KIAA1217: variants seen among roughly 807,000 people sequenced by gnomAD.
KIAA1217 encodes sickle tail protein homolog.
KIAA1217 carries 88 observed loss-of-function variants against 163.9 expected under a neutral mutation model. The ratio of observed to expected loss-of-function variants is 0.54; its 90% confidence interval spans 0.45 to 0.64. KIAA1217 has a LOEUF of 0.64. Among genes scored for constraint, KIAA1217 ranks in the 30% least tolerant of loss-of-function variants. KIAA1217 has a pLI of 0.00. For synonymous variants in KIAA1217, 903 were observed against 923.1 expected, an observed-to-expected ratio of 0.98 and a Z score of 0.39; for missense variants, 2,372 against 2,475.0, an observed-to-expected ratio of 0.96 and a Z score of 0.88.
chr10:24,083,924 A>G (rs549233496), intron 2 of KIAA1217, among the ~76,000 whole-genome samples: 13 of 152,246 alleles, frequency 8.5e-5, no homozygotes, highest in Admixed American at 5.2e-4. Flanking sequence ...GTCGCATTTC[A>G]GGCATCCTTG....
chr10:23,971,740 A>G (rs1217924273), intron 1 of KIAA1217, among the ~76,000 whole-genome samples: 5 of 152,260 alleles, frequency 3.3e-5, no homozygotes, highest in African/African-American at 1.2e-4. Context: ...CATTATGTAG[A>G]GAATCCCCTT....
At chr10:23,908,959 A>G (rs1842304922) in intron 1 of KIAA1217, among the ~76,000 whole-genome samples, 1 of 152,140 alleles carries the variant, frequency 6.6e-6, no homozygotes, top group Non-Finnish European at 1.5e-5. Flanking sequence ...AACAACCCAA[A>G]TGCCCATCAA....
chr10:23,799,769 C>T (rs1836382968), intron 1 of KIAA1217, among the ~76,000 whole-genome samples: 1 of 152,078 alleles, frequency 6.6e-6, no homozygotes, highest in African/African-American at 2.4e-5. Flanking sequence ...TTAAGAGAAA[C>T]CTAGCAGCTG....
chr10:23,922,939 G>A (rs565708812), intron 1 of KIAA1217, among the ~76,000 whole-genome samples: 2 of 152,260 alleles, frequency 1.3e-5, no homozygotes, highest in East Asian at 3.9e-4. Flanking sequence ...GGTAAACCAA[G>A]AAAGACTTTT....
At chr10:24,313,146 G>A (rs1445952976) in intron 2 of KIAA1217, among the ~76,000 whole-genome samples, 1 of 152,128 alleles carries the variant, frequency 6.6e-6, no homozygotes, top group Non-Finnish European at 1.5e-5. Flanking sequence ...TCCTCACCGC[G>A]ATCTCTTCCA....
chr10:23,821,381 C>G (rs1043094125), intron 1 of KIAA1217, among the ~76,000 whole-genome samples: 1 of 152,078 alleles, frequency 6.6e-6, no homozygotes, highest in African/African-American at 2.4e-5. Context: ...TCAGGTGGCA[C>G]AGGCTGCAGC....
chr10:24,305,175 A>T (rs2041868171), intron 2 of KIAA1217, among the ~76,000 whole-genome samples: 1 of 152,206 alleles, frequency 6.6e-6, no homozygotes, highest in Non-Finnish European at 1.5e-5. Context: ...GATGGAGAGG[A>T]GAGCACAAAA....
chr10:24,275,259 G>T (rs2077156993), intron 2 of KIAA1217, among the ~76,000 whole-genome samples: 1 of 152,176 alleles, frequency 6.6e-6, no homozygotes, highest in Non-Finnish European at 1.5e-5. Context: ...TGGGATTTCA[G>T]GCATGAGCCA....
At chr10:23,987,349 C>G (rs1846017851) in intron 1 of KIAA1217, among the ~76,000 whole-genome samples, 1 of 142,854 alleles carries the variant, frequency 7.0e-6, no homozygotes, top group Admixed American at 7.3e-5. Context: ...CGCACTCCAG[C>G]CTGGGCGACA....
intron 2 of KIAA1217, among the ~76,000 whole-genome samples, chr10:24,124,450 G>A (rs1200624927): frequency 6.6e-6 from 1 of 151,504 alleles, no homozygotes; most frequent in Non-Finnish European, 1.5e-5. Flanking sequence ...TTCTCTTATT[G>A]ATATCATGAT....
chr10:24,289,026 C>T (rs1189014306), intron 2 of KIAA1217, among the ~76,000 whole-genome samples: 1 of 152,176 alleles, frequency 6.6e-6, no homozygotes, highest in Non-Finnish European at 1.5e-5. Context: ...TGGGCATGCC[C>T]ATACATGTTT....
rs1204297640 is a variant in KIAA1217, at chr10:23,875,395, GGCT to G, written c.-320-131828_-320-131826del. ...GCAGAATATAACCCTTGACAAGCTT[GGCT>G]GGTTGTGTTCCAGGATATCCAAGAA... On this transcript the variant is annotated intron_variant, in intron 1 of 18. Transcript: ENST00000376462. Among the ~76,000 whole-genome samples the G allele has an allele frequency of 4.6e-5, 7 of 152,068 alleles. No homozygotes were observed. The East Asian group carries it at 1.4e-3, about 30-fold the overall frequency.
intron 1 of KIAA1217, among the ~76,000 whole-genome samples, chr10:23,870,973 G>C (rs1338675837): frequency 6.6e-6 from 1 of 151,950 alleles, no homozygotes; most frequent in Non-Finnish European, 1.5e-5. Flanking sequence ...GGCAGTGAAA[G>C]AGCTGGAATT....
At chr10:24,283,867 A>G (rs1181820128) in intron 2 of KIAA1217, among the ~76,000 whole-genome samples, 1 of 151,482 alleles carries the variant, frequency 6.6e-6, no homozygotes, top group African/African-American at 2.4e-5. Flanking sequence ...GCAATTCCTT[A>G]ATAACAAATG....
chr10:24,047,088 T>C (rs974154125), intron 2 of KIAA1217, among the ~76,000 whole-genome samples: 1 of 152,144 alleles, frequency 6.6e-6, no homozygotes, highest in Non-Finnish European at 1.5e-5. Flanking sequence ...AATTTCAGAG[T>C]TAATAAATGC....
chr10:23,796,353 T>TTATTTATG (rs1303191444), intron 1 of KIAA1217, among the ~76,000 whole-genome samples: 1 of 151,420 alleles, frequency 6.6e-6, no homozygotes, highest in Non-Finnish European at 1.5e-5. Context: ...ATTTATTTAT[T>TTATTTATG]TATTTATTTA....
At chr10:24,352,288 A>G (rs140410347) in intron 2 of KIAA1217, among the ~76,000 whole-genome samples, 16 of 152,326 alleles carry the variant, frequency 1.1e-4, no homozygotes, top group African/African-American at 3.4e-4. Flanking sequence ...GTAATCCTTT[A>G]AAGAGTCCAT....
intron 2 of KIAA1217, among the ~76,000 whole-genome samples, chr10:24,323,787 TCGTGTGTGTG>T (rs1590962899): frequency 1.9e-5 from 2 of 106,532 alleles, no homozygotes; most frequent in East Asian, 5.7e-4. Flanking sequence ...TGTTTTCTCT[TCGTGTGTGTG>T]TGTGTGTGTG....
intron 1 of KIAA1217, among the ~76,000 whole-genome samples, chr10:23,870,649 C>T (rs1216555195): frequency 6.6e-6 from 1 of 152,176 alleles, no homozygotes; most frequent in East Asian, 1.9e-4. Context: ...CTCATAACAA[C>T]GCAGTGAAGT....
Sources: gnomAD v4.1 joint callset for allele counts (sites outside exome capture counted in the v4.1 genomes callset) on GRCh38, gnomAD v4.1.1 for gene constraint, MANE v1.5 for transcripts, NCBI Gene and HGNC (gene_info 2026-07-23, HGNC 2026-07-21) for gene names.